The following CDH9 variants were observed in gnomAD, a reference collection of about 807,000 sequenced individuals.
CDH9 encodes the protein cadherin 9.
In CDH9, 28 loss-of-function variants were observed where a neutral mutation model predicts 70.9. The observed-to-expected ratio is 0.40, with a 90% CI of 0.29 to 0.54. The LOEUF (loss-of-function observed/expected upper bound fraction) is 0.54. CDH9 is among the 20% of genes least tolerant of loss of function. The pLI is 0.59. For missense variants in CDH9, 874 were observed against 984.4 expected (o/e 0.89, Z 1.50); for synonymous variants, 409 against 343.1 (o/e 1.19, Z -2.12).
intron 1 of CDH9, among the ~76,000 whole-genome samples, chr5:26,999,252 T>A (rs1227018565): frequency 1.3e-5 from 2 of 151,472 alleles, no homozygotes; most frequent in Admixed American, 6.6e-5. Flanking sequence ...AAAATAAAAA[T>A]AAATAAAAAT....
intron 2 of CDH9, among the ~76,000 whole-genome samples, chr5:26,956,069 G>T (rs1352462390): frequency 1.3e-5 from 2 of 152,134 alleles, no homozygotes; most frequent in Non-Finnish European, 2.9e-5. Context: ...TTGTTGAGGG[G>T]GTTGGTACTT....
chr5:26,997,906 G>C (rs1313494689), intron 1 of CDH9, among the ~76,000 whole-genome samples: 1 of 152,086 alleles, frequency 6.6e-6, no homozygotes, highest in Non-Finnish European at 1.5e-5. Flanking sequence ...CACCATGTTA[G>C]CCCGGATGGT....
intron 2 of CDH9, among the ~76,000 whole-genome samples, chr5:26,946,683 C>T (rs552648857): frequency 1.3e-5 from 2 of 152,248 alleles, no homozygotes; most frequent in African/African-American, 4.8e-5. Flanking sequence ...TTATTCTCAT[C>T]GCTGGTACAA....
chr5:27,033,609 G>C (rs561834565), intron 1 of CDH9, among the ~76,000 whole-genome samples: 1 of 149,908 alleles, frequency 6.7e-6, no homozygotes, highest in Non-Finnish European at 1.5e-5. Context: ...TTTCCTCTGC[G>C]GTTTACTTAC....
At chr5:27,002,685 C>T (rs1036715880) in intron 1 of CDH9, among the ~76,000 whole-genome samples, 1 of 152,086 alleles carries the variant, frequency 6.6e-6, no homozygotes, top group East Asian at 1.9e-4. Flanking sequence ...AAACCAAACA[C>T]CGCATGTTCT....
chr5:26,918,811 T>C (rs1050117274), intron 2 of CDH9, among the ~76,000 whole-genome samples: 2 of 152,222 alleles, frequency 1.3e-5, no homozygotes, highest in Non-Finnish European at 2.9e-5. Flanking sequence ...TATTTTGGAC[T>C]CAGACTGAAA....
At chr5:26,883,261 C>A (rs1740503236) in intron 11 of CDH9, among the ~76,000 whole-genome samples, 1 of 150,922 alleles carries the variant, frequency 6.6e-6, no homozygotes, top group Non-Finnish European at 1.5e-5. Flanking sequence ...CTCCACTTTT[C>A]AATCAGTAAA....
chr5:26,888,133 C>T (rs1351052628), intron 9 of CDH9, among the ~76,000 whole-genome samples: 1 of 152,046 alleles, frequency 6.6e-6, no homozygotes, highest in African/African-American at 2.4e-5. Context: ...AAAGAATTCA[C>T]ACTAAAAGTG....
intron 2 of CDH9, among the ~76,000 whole-genome samples, chr5:26,982,057 C>T (rs913522950): frequency 6.6e-6 from 1 of 152,016 alleles, no homozygotes; most frequent in African/African-American, 2.4e-5. Flanking sequence ...TCCCTCCCTC[C>T]GTCTCGTCCT....
Position 26,988,262 on chromosome 5 carries a change from T to C in CDH9, c.72A>G (p.Leu24=). ...YMFHTVDTIL[L]QEKPNSYLSS... ...ATAAATAACTGTTAGGTTTTTCTTGTAATAGGATGGTGTCAACTGTATGGA... is the reference window on the plus strand; with the variant it reads ...ATAAATAACTGTTAGGTTTTTCTTGCAATAGGATGGTGTCAACTGTATGGA... Residue 24 remains leucine, a synonymous_variant, in exon 2 of 12, where the codon TTA becomes TTG. Transcript: ENST00000231021. 1 of 1,613,478 alleles carries C rather than the reference T, an allele frequency of 6.2e-7. No individual in the cohort carries two copies. The highest frequency in any genetic ancestry group is 8.5e-7 in the Non-Finnish European group (1 of 1,179,568).
At chr5:26,991,335 C>A (rs1742576334) in intron 1 of CDH9, among the ~76,000 whole-genome samples, 1 of 152,298 alleles carries the variant, frequency 6.6e-6, no homozygotes, top group East Asian at 1.9e-4. Context: ...AACAACTTCC[C>A]TTGGCTACTG....
intron 2 of CDH9, among the ~76,000 whole-genome samples, chr5:26,925,866 G>C (rs927597261): frequency 1.3e-5 from 2 of 152,060 alleles, no homozygotes; most frequent in Non-Finnish European, 2.9e-5. Flanking sequence ...AATAGAGGCA[G>C]AAAAGGCCTT....
intron 3 of CDH9, among the ~76,000 whole-genome samples, chr5:26,913,539 T>C (rs181315355): frequency 2.0e-5 from 3 of 152,106 alleles, no homozygotes; most frequent in Non-Finnish European, 4.4e-5. Flanking sequence ...TGAATGCAAC[T>C]GACAATGGCT....
chr5:26,915,882 T>C lies in CDH9; in HGVS notation c.271A>G (p.Ile91Val), dbSNP rs1199491211. Residue 91 changes from isoleucine to valine, a missense_variant, in exon 3 of 12, where the codon ATA becomes GTA. Ile to Val is a conservative substitution (Grantham distance 29). Transcript: ENST00000231021. ...CTGCCAGCCCCATCTCCTGTTAGTA[T>C]GTATTTTAAATTTCCATCTCCTTTA... ...QDKGDGNLKY[I>V]LTGDGAGSLF... 4 of 1,611,992 alleles carry C rather than the reference T, an allele frequency of 2.5e-6. No individual in the cohort carries two copies. Among genetic ancestry groups the C allele is most frequent in the Non-Finnish European group, 3.4e-6 (4 of 1,178,530 alleles).
intron 1 of CDH9, chr5:27,028,377 C>CA (rs879753148): frequency 0.01 from 1,329 of 129,972 alleles, 11 homozygotes; most frequent in African/African-American, 0.025. Context: ...AGACCTGTCT[C>CA]AAAAAAAAAA....
intron 2 of CDH9, among the ~76,000 whole-genome samples, chr5:26,920,997 T>C (rs1189704651): frequency 6.6e-6 from 1 of 152,188 alleles, no homozygotes; most frequent in Non-Finnish European, 1.5e-5. Flanking sequence ...GAGGAAAACA[T>C]GACTTCGTCA....
chr5:26,894,435 C>G (rs539406863), intron 7 of CDH9, among the ~76,000 whole-genome samples: 1 of 152,078 alleles, frequency 6.6e-6, no homozygotes, highest in African/African-American at 2.4e-5. Flanking sequence ...CTCTTAGGTA[C>G]AACCTTGAAA....
intron 1 of CDH9, among the ~76,000 whole-genome samples, chr5:27,015,702 T>G (rs1186282955): frequency 6.6e-6 from 1 of 151,794 alleles, no homozygotes; most frequent in Non-Finnish European, 1.5e-5. Flanking sequence ...ATGTTTCTGC[T>G]GCATAATATT....
chr5:26,913,352 C>T (rs1741088164), intron 3 of CDH9, among the ~76,000 whole-genome samples: 1 of 151,992 alleles, frequency 6.6e-6, no homozygotes, highest in Non-Finnish European at 1.5e-5. Context: ...AAAGTGGAAG[C>T]AAGTAATATA....
Sources: allele counts gnomAD v4.1 joint callset (sites outside exome capture counted in the v4.1 genomes callset), GRCh38; gene constraint gnomAD v4.1.1; transcripts MANE v1.5; gene names NCBI Gene and HGNC (gene_info 2026-07-23, HGNC 2026-07-21).